The following NYAP2 variants were observed in gnomAD, a reference collection of about 807,000 sequenced individuals.
NYAP2 encodes the protein neuronal tyrosine-phosphorylated phosphoinositide-3-kinase adaptor 2.
A neutral mutation model predicts 50.4 loss-of-function variants in NYAP2; 23 were observed. That is an observed-to-expected ratio of 0.46 (90% confidence interval 0.33 to 0.65). The LOEUF is 0.65. Among genes scored for constraint, NYAP2 ranks in the 30% least tolerant of loss-of-function variants. The pLI, the probability that NYAP2 is intolerant of heterozygous loss-of-function variation, is 0.02. For synonymous variants in NYAP2, 394 were observed against 365.2 expected (o/e 1.08, Z -0.90); for missense variants, 885 against 861.0 (o/e 1.03, Z -0.35).
intron 4 of NYAP2, among the ~76,000 whole-genome samples, chr2:225,543,195 T>TA (rs1204691818): frequency 2.0e-5 from 3 of 151,932 alleles, no homozygotes; most frequent in African/African-American, 4.8e-5. Flanking sequence ...TTTATCTTTT[T>TA]AAAAAAACCA....
At chr2:225,587,828 C>CAA (rs5839115) in intron 5 of NYAP2, among the ~76,000 whole-genome samples, 328 of 146,206 alleles carry the variant, frequency 2.2e-3, no homozygotes, top group African/African-American at 6.1e-3. Context: ...CTTGGCATTA[C>CAA]AAAAAAAAAA....
intron 4 of NYAP2, among the ~76,000 whole-genome samples, chr2:225,580,686 C>T (rs1275786065): frequency 6.6e-6 from 1 of 152,014 alleles, no homozygotes; most frequent in East Asian, 1.9e-4. Flanking sequence ...ATGGATGGAA[C>T]AGCCATCTAG....
chr2:225,485,556 G>C (rs73089794), intron 3 of NYAP2, among the ~76,000 whole-genome samples: 1,920 of 152,256 alleles, frequency 0.013, 46 homozygotes, highest in African/African-American at 0.044. Context: ...TTCCAGAGGA[G>C]TGTTTAAAAG....
intron 3 of NYAP2, among the ~76,000 whole-genome samples, chr2:225,413,848 A>C (rs1487818907): frequency 6.6e-6 from 1 of 152,234 alleles, no homozygotes; most frequent in Non-Finnish European, 1.5e-5. Context: ...TAGAATATAC[A>C]TGCTGAAAAT....
Position 225,443,887 on chromosome 2 carries a change from T to C in NYAP2, c.221+34786T>C, listed in dbSNP as rs115963030. On this transcript the variant is annotated intron_variant, in intron 3 of 6. Coordinates refer to ENST00000636099, the Ensembl canonical transcript of NYAP2. ...GAATGGTCACTGACCATAGATCCAA[T>C]TGAGTCGACATACTTTTCCAAAGAT... 1.6e-3 allele frequency among the ~76,000 whole-genome samples: 239 copies of C among 152,340 alleles called. 2 individuals carry two copies. In the Middle Eastern group the frequency reaches 0.034, roughly 22 times the overall value.
chr2:225,400,392 T>G (rs1694840895), intron 1 of NYAP2, 137 bp downstream of exon 1: 1 of 148,582 alleles, frequency 6.7e-6, no homozygotes, highest in Non-Finnish European at 1.5e-5. Context: ...GGAGAGAGAA[T>G]GAGAGAGAGA....
At chr2:225,589,516 A>AAAATATATATATCTATATATATATAT (rs112700820) in intron 5 of NYAP2, among the ~76,000 whole-genome samples, 1 of 71,356 alleles carries the variant, frequency 1.4e-5, no homozygotes, top group Non-Finnish European at 2.7e-5. Flanking sequence ...CTAAAAGTAA[A>AAAATATATATATCTATATATATATAT]ATATATATAT....
At chr2:225,703,631 T>C in the NYAP2 span, 4 of 151,886 alleles carry the variant, frequency 2.6e-5, no homozygotes, top group African/African-American at 9.7e-5. Context: ...CGTGTAATTA[T>C]AATAAAAGCA....
intron 5 of NYAP2, among the ~76,000 whole-genome samples, chr2:225,607,189 A>C (rs1456664338): frequency 1.3e-5 from 2 of 152,092 alleles, no homozygotes; most frequent in African/African-American, 2.4e-5. Flanking sequence ...TTTAAGATCC[A>C]GAAGGCATTT....
intron 5 of NYAP2, among the ~76,000 whole-genome samples, chr2:225,607,824 G>A (rs183661263): frequency 3.5e-4 from 54 of 152,176 alleles, no homozygotes; most frequent in African/African-American, 1.2e-3. Context: ...AGAACTGTGG[G>A]CATACATATT....
chr2:225,595,443 A>G (rs955874633), intron 5 of NYAP2, among the ~76,000 whole-genome samples: 1 of 152,232 alleles, frequency 6.6e-6, no homozygotes, highest in Non-Finnish European at 1.5e-5. Flanking sequence ...TTTAAGTTAC[A>G]CATTCTGGAC....
chr2:225,610,349 C>G (rs1179996617), intron 5 of NYAP2, among the ~76,000 whole-genome samples: 2 of 152,020 alleles, frequency 1.3e-5, no homozygotes, highest in African/African-American at 4.8e-5. Flanking sequence ...ATGCATACCT[C>G]GGTTCTCTCT....
intron 4 of NYAP2, among the ~76,000 whole-genome samples, chr2:225,518,654 G>A (rs1690986749): frequency 7.5e-6 from 1 of 133,918 alleles, no homozygotes. Flanking sequence ...GCTCAATTTA[G>A]CCTTTCTACA....
chr2:225,690,321 C>T, the NYAP2 span, among the ~76,000 whole-genome samples: 346 of 152,090 alleles, frequency 2.3e-3, 1 homozygote, highest in African/African-American at 8.0e-3. Context: ...GATTTGATAA[C>T]TAAGGAAGCA....
intron 3 of NYAP2, among the ~76,000 whole-genome samples, chr2:225,455,041 G>A (rs1689718386): frequency 6.6e-6 from 1 of 152,012 alleles, no homozygotes; most frequent in African/African-American, 2.4e-5. Flanking sequence ...TGAAGAGGAA[G>A]TAAAGAGCTT....
intron 3 of NYAP2, among the ~76,000 whole-genome samples, chr2:225,484,365 T>A (rs1690255067): frequency 6.6e-6 from 1 of 152,238 alleles, no homozygotes; most frequent in African/African-American, 2.4e-5. Flanking sequence ...GCCACTTATA[T>A]CTGCAGCTTC....
intron 4 of NYAP2, among the ~76,000 whole-genome samples, chr2:225,538,768 TTTTCTTTTC>T (rs1691395705): frequency 9.7e-6 from 1 of 103,516 alleles, no homozygotes; most frequent in African/African-American, 4.0e-5. Flanking sequence ...TTTTCTTTTC[TTTTCTTTTC>T]TTTTCTTTCT....
intron 6 of NYAP2, among the ~76,000 whole-genome samples, chr2:225,635,405 C>T (rs192799120): frequency 8.1e-4 from 124 of 152,234 alleles, no homozygotes; most frequent in African/African-American, 3.0e-3. Context: ...ATAAATCTCA[C>T]TGTGTAGGTT....
intron 4 of NYAP2, among the ~76,000 whole-genome samples, chr2:225,579,800 C>G (rs1468935620): frequency 6.6e-6 from 1 of 152,186 alleles, no homozygotes; most frequent in East Asian, 1.9e-4. Flanking sequence ...TAAGTTCTTA[C>G]CCTGTTATTT....
Sources: gnomAD v4.1 joint callset for allele counts (sites outside exome capture counted in the v4.1 genomes callset) on GRCh38, gnomAD v4.1.1 for gene constraint, MANE v1.5 for transcripts, NCBI Gene and HGNC (gene_info 2026-07-23, HGNC 2026-07-21) for gene names.